Variants in INSC observed in about 807,000 individuals in gnomAD.
INSC encodes the protein protein inscuteable homolog.
Under a neutral mutation model 58.6 loss-of-function variants are expected in INSC, and 67 were observed. The observed-to-expected ratio is 1.14, with a 90% CI of 0.94 to 1.40. The LOEUF is 1.40. Ranked by LOEUF, INSC falls within the 40% of genes most tolerant of loss-of-function variation. The pLI is 0.00. For missense variants in INSC, 714 were observed against 692.0 expected, an observed-to-expected ratio of 1.03 and a Z score of -0.36; for synonymous variants, 262 against 276.1, an observed-to-expected ratio of 0.95 and a Z score of 0.51.
At chr11:15,239,275 G>A (rs1175825976) in intron 11 of INSC, among the ~76,000 whole-genome samples, 1 of 152,156 alleles carries the variant, frequency 6.6e-6, no homozygotes, top group African/African-American at 2.4e-5. Flanking sequence ...GAGGGAGAAA[G>A]GACCTAGAGA....
At chr11:15,239,443 G>C (rs1442300519) in intron 11 of INSC, among the ~76,000 whole-genome samples, 1 of 151,938 alleles carries the variant, frequency 6.6e-6, no homozygotes, top group African/African-American at 2.4e-5. Context: ...TTATCCTTTA[G>C]TTCATTTATT....
chr11:15,215,324 G>A (rs989240826), intron 7 of INSC, among the ~76,000 whole-genome samples: 5 of 152,224 alleles, frequency 3.3e-5, no homozygotes, highest in African/African-American at 7.2e-5. Flanking sequence ...TTTACAACAA[G>A]GGATGGGAAG....
chr11:15,237,601 ACTGGTGT>A (rs1852179557), intron 10 of INSC, among the ~76,000 whole-genome samples: 1 of 152,212 alleles, frequency 6.6e-6, no homozygotes, highest in Non-Finnish European at 1.5e-5. Context: ...TGTCAATGCA[ACTGGTGT>A]CTACTGGAAG....
chr11:15,265,912 A>G, the INSC span, among the ~76,000 whole-genome samples: 1 of 151,318 alleles, frequency 6.6e-6, no homozygotes, highest in African/African-American at 2.4e-5. Flanking sequence ...ATTTTCCTAA[A>G]ACTTAAAAGT....
chr11:15,265,668 C>T, the INSC span, among the ~76,000 whole-genome samples: 1 of 151,700 alleles, frequency 6.6e-6, no homozygotes, highest in African/African-American at 2.4e-5. Flanking sequence ...TTATATTGAT[C>T]AAGCTTGCCA....
chr11:15,212,380 ACCTCAG>A (rs1851061625), intron 7 of INSC, among the ~76,000 whole-genome samples: 1 of 152,026 alleles, frequency 6.6e-6, no homozygotes, highest in South Asian at 2.1e-4. Context: ...TGATCCGCCC[ACCTCAG>A]CCTCCCAAAG....
chr11:15,145,029 A>G (rs140348155), intron 1 of INSC, among the ~76,000 whole-genome samples: 77 of 152,108 alleles, frequency 5.1e-4, no homozygotes, highest in Middle Eastern at 3.4e-3. Context: ...TGATGGAGGG[A>G]TTTCTTCTTC....
chr11:15,213,932 C>T (rs1276512950), intron 7 of INSC, among the ~76,000 whole-genome samples: 1 of 152,200 alleles, frequency 6.6e-6, no homozygotes, highest in Non-Finnish European at 1.5e-5. Flanking sequence ...TCAGCTCTAT[C>T]ACCACGCCAT....
chr11:15,140,822 T>C (rs1223144230), intron 1 of INSC, among the ~76,000 whole-genome samples: 3 of 152,048 alleles, frequency 2.0e-5, no homozygotes, highest in Non-Finnish European at 2.9e-5. Context: ...TGGCTTCAGG[T>C]GACCCTCTTG....
At chr11:15,113,707 T>G (rs2133665227), upstream of INSC, among the ~76,000 whole-genome samples, 1 of 152,168 alleles carries the variant, frequency 6.6e-6, no homozygotes, top group South Asian at 2.1e-4. Context: ...AGAGGAATGA[T>G]TTGGCCACCT....
At chr11:15,168,909 C>A (rs1849295327) in intron 2 of INSC, among the ~76,000 whole-genome samples, 2 of 152,146 alleles carry the variant, frequency 1.3e-5, no homozygotes, top group Admixed American at 1.3e-4. Context: ...GATGTGTTCA[C>A]TTCTATGTAC....
intron 5 of INSC, 65 bp from the exon 6 acceptor site, chr11:15,190,636 C>A: frequency 9.1e-7 from 1 of 1,102,732 alleles, no homozygotes; most frequent in Non-Finnish European, 1.4e-6. Flanking sequence ...ACTGGTGTTC[C>A]ACTAAGATGA....
At chr11:15,228,659 C>T (rs1422129816) in intron 9 of INSC, among the ~76,000 whole-genome samples, 1 of 152,162 alleles carries the variant, frequency 6.6e-6, no homozygotes, top group Non-Finnish European at 1.5e-5. Context: ...AGATTAAATG[C>T]CCCATGAGGC....
Position 15,221,584 on chromosome 11 carries a change from G to A in INSC, c.927G>A (p.Leu309=). 6.2e-7 allele frequency: 1 copy of A among 1,613,950 alleles called. No homozygotes were observed. Among genetic ancestry groups the A allele is most frequent in the Non-Finnish European group, 8.5e-7 (1 of 1,179,952 alleles). The change falls in exon 8 of 13, where the codon CTG becomes CTA. Residue 309 remains leucine, a synonymous_variant. Transcript: ENST00000379556. Reference sequence around the variant, plus strand: ...TGGCCCAGGTCACCTCCCCACACCTGCCCGTCACCCAGCACCTCAGTAGCT... The same window carrying A: ...TGGCCCAGGTCACCTCCCCACACCTACCCGTCACCCAGCACCTCAGTAGCT... The part of the protein sequence containing the change: ...AVVAQVTSPH[L]PVTQHLSSFL...
At chr11:15,198,252 T>A (rs1395416008) in intron 6 of INSC, among the ~76,000 whole-genome samples, 1 of 152,142 alleles carries the variant, frequency 6.6e-6, no homozygotes, top group East Asian at 1.9e-4. Context: ...GACATATAGC[T>A]ATTGTAGCCC....
intron 2 of INSC, among the ~76,000 whole-genome samples, chr11:15,150,086 G>A (rs1201243690): frequency 6.6e-6 from 1 of 152,158 alleles, no homozygotes; most frequent in Non-Finnish European, 1.5e-5. Flanking sequence ...GATAGGGTGA[G>A]GTGAGCAACA....
At chr11:15,221,062 CAG>C (rs1403843284) in intron 7 of INSC, among the ~76,000 whole-genome samples, 1 of 152,178 alleles carries the variant, frequency 6.6e-6, no homozygotes, top group Non-Finnish European at 1.5e-5. Flanking sequence ...GGTGAGGAAA[CAG>C]AATCTCAGAG....
chr11:15,204,866 C>T (rs892706978), intron 7 of INSC, among the ~76,000 whole-genome samples: 3 of 152,322 alleles, frequency 2.0e-5, no homozygotes, highest in African/African-American at 4.8e-5. Flanking sequence ...GCAGCTTCCC[C>T]CTCCTTTCCT....
chr11:15,263,637 A>AC, the INSC span, among the ~76,000 whole-genome samples: 1 of 152,152 alleles, frequency 6.6e-6, no homozygotes, highest in Admixed American at 6.6e-5. Context: ...TCAGCTTAAA[A>AC]ACACACAAAT....
Sources: gnomAD v4.1 joint callset for allele counts (sites outside exome capture counted in the v4.1 genomes callset) on GRCh38, gnomAD v4.1.1 for gene constraint, MANE v1.5 for transcripts, NCBI Gene and HGNC (gene_info 2026-07-23, HGNC 2026-07-21) for gene names.